Variants in MARCHF3 observed in about 807,000 individuals in gnomAD.
The protein encoded by MARCHF3 is E3 ubiquitin-protein ligase MARCHF3.
In MARCHF3, 13 loss-of-function variants were observed where a neutral mutation model predicts 24.2. The observed-to-expected ratio is 0.54, with a 90% confidence interval of 0.35 to 0.85. MARCHF3 has a LOEUF of 0.85. Ranked by LOEUF, MARCHF3 falls within the 40% of genes least tolerant of loss-of-function variation. MARCHF3 has a pLI of 0.01. For synonymous variants in MARCHF3, 144 were observed against 137.3 expected (o/e 1.05, Z -0.34); for missense variants, 276 against 325.0 (o/e 0.85, Z 1.16).
At chr5:126,934,079 TTCTTTAATGGCA>T (rs150229146) in intron 1 of MARCHF3, among the ~76,000 whole-genome samples, 3,412 of 152,328 alleles carry the variant, frequency 0.022, 110 homozygotes, top group African/African-American at 0.078. Context: ...ATGAGCAATC[TTCTTTAATGGCA>T]ATGCAGTCAT....
chr5:127,004,396 C>T (rs762857431), intron 1 of MARCHF3, among the ~76,000 whole-genome samples: 1 of 152,132 alleles, frequency 6.6e-6, no homozygotes. Context: ...TCCGTATCAC[C>T]TTCAGGAATA....
intron 1 of MARCHF3, among the ~76,000 whole-genome samples, chr5:127,011,675 A>G (rs1467089544): frequency 6.6e-6 from 1 of 152,208 alleles, no homozygotes; most frequent in Non-Finnish European, 1.5e-5. Context: ...ACATCCCTAT[A>G]TTATCACACC....
At chr5:126,878,153 T>C (rs776192201) in intron 4 of MARCHF3, 32 bp downstream of exon 4, 4 of 1,604,342 alleles carry the variant, frequency 2.5e-6, no homozygotes, top group Non-Finnish European at 3.4e-6. Flanking sequence ...CAGCTCCAAA[T>C]GGCCTGAACC....
In MARCHF3 at chr5:126,909,731, A is replaced by T. The variant is rs189082714; in HGVS notation, c.393+5199T>A. 7.7e-3 allele frequency among the ~76,000 whole-genome samples: 1,166 copies of T among 152,276 alleles called. 10 individuals carry two copies. The highest frequency in any genetic ancestry group is 0.027 in the African/African-American group (1,117 of 41,558). ...CTGTCTGGCACTCCCTAGTGAGATG[A>T]ACCTGGTACCTCAGATGGAAATGCA... On this transcript the variant is annotated intron_variant, in intron 3 of 4. Transcript: ENST00000308660.
chr5:126,980,840 G>C (rs1429951239), intron 1 of MARCHF3, among the ~76,000 whole-genome samples: 2 of 152,194 alleles, frequency 1.3e-5, no homozygotes, highest in Non-Finnish European at 2.9e-5. Context: ...AGTATTTTAA[G>C]TTTTTGTTTG....
intron 1 of MARCHF3, among the ~76,000 whole-genome samples, chr5:126,943,717 T>C (rs551969495): frequency 1.4e-4 from 22 of 152,270 alleles, no homozygotes; most frequent in African/African-American, 4.3e-4. Context: ...AAAATTGTTA[T>C]TGGTAGAAAA....
intron 1 of MARCHF3, among the ~76,000 whole-genome samples, chr5:126,921,745 C>T (rs573461649): frequency 2.6e-5 from 4 of 152,322 alleles, no homozygotes; most frequent in East Asian, 1.9e-4. Flanking sequence ...AAACATCAAA[C>T]GGCACTGGTG....
chr5:126,941,497 A>G (rs1161869132), intron 1 of MARCHF3, among the ~76,000 whole-genome samples: 3 of 152,074 alleles, frequency 2.0e-5, no homozygotes, highest in Non-Finnish European at 2.9e-5. Context: ...TGTTAAAAAC[A>G]GTTTTCAGAA....
intron 1 of MARCHF3, among the ~76,000 whole-genome samples, chr5:126,930,303 T>C (rs1037646706): frequency 6.6e-6 from 1 of 152,214 alleles, no homozygotes; most frequent in Non-Finnish European, 1.5e-5. Flanking sequence ...CAATCTTTCC[T>C]TAGGTCCAAC....
At chr5:126,885,732 A>G (rs1441154363) in intron 3 of MARCHF3, among the ~76,000 whole-genome samples, 2 of 152,174 alleles carry the variant, frequency 1.3e-5, no homozygotes, top group African/African-American at 4.8e-5. Context: ...ATAAACATCA[A>G]ATTGTCAAGT....
chr5:126,879,248 T>A (rs951159562), intron 3 of MARCHF3, among the ~76,000 whole-genome samples: 4 of 152,204 alleles, frequency 2.6e-5, no homozygotes, highest in Admixed American at 6.5e-5. Context: ...TTCACCCTTT[T>A]CTGCTTTTAA....
At chr5:127,021,785 C>T (rs1752813483) in intron 1 of MARCHF3, among the ~76,000 whole-genome samples, 1 of 152,016 alleles carries the variant, frequency 6.6e-6, no homozygotes, top group Admixed American at 6.6e-5. Context: ...GAAGAAAAAC[C>T]CGAAACTCAC....
intron 2 of MARCHF3, among the ~76,000 whole-genome samples, chr5:126,915,908 G>T (rs530067295): frequency 6.6e-6 from 1 of 152,158 alleles, no homozygotes; most frequent in Admixed American, 6.5e-5. Context: ...CTATTACCTG[G>T]ATAACTCTGG....
At chr5:127,005,133 CTTT>C (rs937505290) in intron 1 of MARCHF3, among the ~76,000 whole-genome samples, 1 of 122,534 alleles carries the variant, frequency 8.2e-6, no homozygotes, top group African/African-American at 3.2e-5. Flanking sequence ...CTCAGAAAGT[CTTT>C]TTTTTTTTTT....
chr5:126,981,911 A>G (rs1283940072), intron 1 of MARCHF3, among the ~76,000 whole-genome samples: 3 of 152,218 alleles, frequency 2.0e-5, no homozygotes, highest in Non-Finnish European at 4.4e-5. Context: ...TAGAATTCCT[A>G]TACTGGAATA....
intron 1 of MARCHF3, among the ~76,000 whole-genome samples, chr5:127,012,094 T>C (rs1752492284): frequency 6.6e-6 from 1 of 152,232 alleles, no homozygotes; most frequent in Non-Finnish European, 1.5e-5. Context: ...ATTTCCTGTC[T>C]CATGTTCTAC....
intron 3 of MARCHF3, among the ~76,000 whole-genome samples, chr5:126,908,206 G>C (rs1754372428): frequency 6.6e-6 from 1 of 152,196 alleles, no homozygotes; most frequent in African/African-American, 2.4e-5. Context: ...AGTCTAATGG[G>C]CTTCTCTTTG....
At position 127,030,487 on chromosome 5, in the gene MARCHF3, C is replaced by G. The variant is rs1753150589; in HGVS notation, c.-194G>C. 1 of 152,566 alleles carries G rather than the reference C, an allele frequency of 6.6e-6. No individual in the cohort carries two copies. The highest frequency in any genetic ancestry group is 6.5e-5 in the Admixed American group (1 of 15,292). The allele number at this position is 152,566 out of a possible 1,614,324, so 9.5% of individuals were successfully genotyped here. On this transcript the variant is annotated 5_prime_UTR_variant, in exon 1 of 5. Transcript: ENST00000308660. The stretch of plus-strand genomic sequence containing the variant: ...GGCGGGCACCTCAGGGGGAGTGCGG[C>G]AAGCCTGGCGGCCGCCGCGGCCACA...
At position 126,954,732 on chromosome 5, in the gene MARCHF3, C is replaced by G. The variant is rs145079906; in HGVS notation, c.-56-36505G>C. On this transcript the variant is annotated intron_variant, in intron 1 of 4. Coordinates refer to ENST00000308660, the MANE Select transcript of MARCHF3 (RefSeq NM_178450.5). ...ATAGAGCGCACTCATGCATTTACAA[C>G]TCAGAATTTTAAAAAAAGTTTACAT... Among the ~76,000 whole-genome samples, 777 of 149,758 alleles carry G rather than the reference C, an allele frequency of 5.2e-3. 3 individuals carry two copies. Among genetic ancestry groups the G allele is most frequent in the Non-Finnish European group, 8.0e-3 (542 of 67,584 alleles).
Sources: gnomAD v4.1 joint callset for allele counts (sites outside exome capture counted in the v4.1 genomes callset) on GRCh38, gnomAD v4.1.1 for gene constraint, MANE v1.5 for transcripts, NCBI Gene and HGNC (gene_info 2026-07-23, HGNC 2026-07-21) for gene names.